SYNJ2: variants seen among roughly 807,000 people sequenced by gnomAD.
SYNJ2 encodes polyphosphatidylinositol phosphatase SYNJ2.
A neutral mutation model predicts 141.3 loss-of-function variants in SYNJ2; 116 were observed. The observed-to-expected ratio is 0.82, with a 90% CI of 0.71 to 0.96. The LOEUF (loss-of-function observed/expected upper bound fraction) is 0.96. SYNJ2 is among the 40% of genes least tolerant of loss of function. SYNJ2 has a pLI of 0.00. For missense variants in SYNJ2, 1,873 were observed against 1,934.8 expected (o/e 0.97, Z 0.60); for synonymous variants, 745 against 777.7 (o/e 0.96, Z 0.70).
chr6:158,048,691 T>G (rs1780387811), intron 5 of SYNJ2, among the ~76,000 whole-genome samples: 3 of 152,306 alleles, frequency 2.0e-5, no homozygotes, highest in Admixed American at 2.0e-4. Context: ...CACTCGGTGC[T>G]GTGCTGGCAA....
intron 7 of SYNJ2, chr6:158,059,556 CTTTTTTTTT>C: frequency 8.5e-7 from 1 of 1,178,638 alleles, no homozygotes; most frequent in Non-Finnish European, 1.1e-6. Context: ...AATTTCTTTT[CTTTTTTTTT>C]TTTTTTAAGA....
At position 158,017,820 on chromosome 6, in the gene SYNJ2, G is replaced by T. The variant is rs775236499; in HGVS notation, c.214+530G>T. 7 of 528,566 alleles carry T rather than the reference G, an allele frequency of 1.3e-5. No homozygotes were observed. In the African/African-American group the frequency reaches 1.3e-4, roughly 10 times the overall value. 32.7% of individuals were successfully genotyped at this position (528,566 alleles called of 1,614,324 possible). A position where few individuals can be genotyped will look rare whatever the true frequency, so the allele number is the denominator to read the frequency against. ...GGTGAGTGTTGCCTGGTTGTCACCT[G>T]CCTGTGCTGGGGAGCAGGGTGGGGT... On this transcript the variant is annotated intron_variant, in intron 2 of 26. Coordinates refer to ENST00000355585, the MANE Select transcript of SYNJ2 (RefSeq NM_003898.4).
chr6:157,995,195 C>T (rs1021684063), intron 1 of SYNJ2, among the ~76,000 whole-genome samples: 3 of 152,216 alleles, frequency 2.0e-5, no homozygotes, highest in South Asian at 2.1e-4. Context: ...TGAATAGCCC[C>T]AGACTTCTAG....
intron 2 of SYNJ2, 57 bp from the exon 3 acceptor site, chr6:158,028,699 C>A (rs1036292071): frequency 4.4e-6 from 7 of 1,583,848 alleles, no homozygotes; most frequent in Non-Finnish European, 6.0e-6. Context: ...CCCCTTGGAG[C>A]TCCAGGCGGC....
chr6:158,018,470 C>G (rs767760600), intron 2 of SYNJ2, among the ~76,000 whole-genome samples: 1 of 152,228 alleles, frequency 6.6e-6, no homozygotes, highest in Non-Finnish European at 1.5e-5. Flanking sequence ...CACCTCCCTT[C>G]CCTGCTCACA....
At chr6:158,009,070 A>G (rs1398986849) in intron 1 of SYNJ2, among the ~76,000 whole-genome samples, 3 of 152,052 alleles carry the variant, frequency 2.0e-5, no homozygotes, top group East Asian at 1.9e-4. Context: ...TCCACTCTCC[A>G]TGCAGCCATC....
At chr6:158,028,443 C>A in intron 2 of SYNJ2, 2 of 410,744 alleles carry the variant, frequency 4.9e-6, no homozygotes, top group South Asian at 2.6e-5. Flanking sequence ...ATCAGAATCA[C>A]CTGGAGGGCT....
intron 8 of SYNJ2, among the ~76,000 whole-genome samples, chr6:158,062,521 C>T (rs1157870897): frequency 6.6e-6 from 1 of 152,044 alleles, no homozygotes. Flanking sequence ...CGCTGTGACG[C>T]AGGCCTGTGA....
At chr6:158,020,044 C>CTGACTCCACCTGTG (rs1301431069) in intron 2 of SYNJ2, among the ~76,000 whole-genome samples, 2 of 116,704 alleles carry the variant, frequency 1.7e-5, no homozygotes, top group Non-Finnish European at 3.5e-5. Flanking sequence ...ACCTGTGTGA[C>CTGACTCCACCTGTG]TGACTCCACC....
chr6:158,027,692 G>A lies in SYNJ2; in HGVS notation c.215-1064G>A, dbSNP rs1779124135. On this transcript the variant is annotated intron_variant, in intron 2 of 26. Coordinates refer to ENST00000355585, the MANE Select transcript of SYNJ2 (RefSeq NM_003898.4). This position sits in a 1 kb window ranked among gnomAD's most constrained non-coding sequence, Gnocchi z 4.6. ...GGAAGCCCCTCCCCTGGGGGCACAG[G>A]TGGGGAGGGAGGTCATGAGCTTTGT... 1.3e-5 allele frequency: 2 copies of A among 152,378 alleles called. No individual in the cohort carries two copies. Among genetic ancestry groups the A allele is most frequent in the Non-Finnish European group, 2.9e-5 (2 of 68,172 alleles). 9.4% of individuals were successfully genotyped at this position (152,378 alleles called of 1,614,324 possible).
At position 158,092,122 on chromosome 6, in the gene SYNJ2, A is replaced by AC. The variant is rs1554257604; in HGVS notation, c.3566-804_3566-803insC. ...CACAATAAAGCTGTTAAAAAAAAAA[A>AC]AACTCTAGAGATGTAGATGTTAGTA... On this transcript the variant is annotated intron_variant, in intron 25 of 26. Coordinates refer to ENST00000355585, the MANE Select transcript of SYNJ2 (RefSeq NM_003898.4). Among the ~76,000 whole-genome samples, 234 of 152,008 alleles carry AC rather than the reference A, an allele frequency of 1.5e-3. 1 individual carries two copies. Among genetic ancestry groups the AC allele is most frequent in the African/African-American group, 5.4e-3 (223 of 41,408 alleles).
chr6:158,078,701 AC>A (rs1782480144), intron 18 of SYNJ2: 1 of 153,906 alleles, frequency 6.5e-6, no homozygotes, highest in African/African-American at 2.4e-5. Context: ...GGAACTTACA[AC>A]TTATCCATTC....
Position 158,027,033 on chromosome 6 carries a change from C to A in SYNJ2, c.215-1723C>A. 1 of 985,408 alleles carries A rather than the reference C, an allele frequency of 1.0e-6. No homozygotes were observed. The highest frequency in any genetic ancestry group is 1.2e-6 in the Non-Finnish European group (1 of 829,922). The allele number at this position is 985,408 out of a possible 1,614,324, so 61.0% of individuals were successfully genotyped here. On this transcript the variant is annotated intron_variant, in intron 2 of 26. Transcript: ENST00000355585. The surrounding 1 kb of genome is among the most constrained non-coding windows in gnomAD (Gnocchi z 4.6). ...GAGATGTGATGGGATCAACCCCCTG[C>A]CCTGCTGGCAGCCCCACCCCATGGC...
At chr6:158,075,599 C>T (rs1782231736) in intron 16 of SYNJ2, among the ~76,000 whole-genome samples, 2 of 151,802 alleles carry the variant, frequency 1.3e-5, no homozygotes, top group South Asian at 4.2e-4. Context: ...CGAGATCGCA[C>T]CACTGCACTC....
At chr6:158,093,228 G>C (rs989446561) in intron 26 of SYNJ2, 124 bp downstream of exon 26, 6 of 1,057,870 alleles carry the variant, frequency 5.7e-6, no homozygotes, top group Non-Finnish European at 8.1e-6. Flanking sequence ...GAGGTCAGGA[G>C]TTCAAGACCA....
At chr6:158,036,010 A>G (rs1779618087) in intron 4 of SYNJ2, among the ~76,000 whole-genome samples, 1 of 152,152 alleles carries the variant, frequency 6.6e-6, no homozygotes, top group Admixed American at 6.5e-5. Flanking sequence ...GGACATAAAC[A>G]GACACTTTTC....
At chr6:158,082,065 G>T in intron 20 of SYNJ2, among the ~76,000 whole-genome samples, 1 of 152,180 alleles carries the variant, frequency 6.6e-6, no homozygotes. Context: ...TAGGGCGGAA[G>T]GGTGGGCGCA....
chr6:158,093,813 C>T, intron 26 of SYNJ2: 15 of 725,978 alleles, frequency 2.1e-5, no homozygotes, highest in Non-Finnish European at 3.3e-5. Context: ...TTCCCAGATT[C>T]GCCATGTTCA....
chr6:158,091,794 T>C (rs140422005), intron 25 of SYNJ2, among the ~76,000 whole-genome samples: 4 of 151,364 alleles, frequency 2.6e-5, no homozygotes, highest in African/African-American at 7.3e-5. Flanking sequence ...TACATACTAC[T>C]TCATGGGTGG....
Sources: allele counts gnomAD v4.1 joint callset (sites outside exome capture counted in the v4.1 genomes callset), GRCh38; gene constraint gnomAD v4.1.1; non-coding constraint Gnocchi (gnomAD v3.1); transcripts MANE v1.5; gene names NCBI Gene and HGNC (gene_info 2026-07-23, HGNC 2026-07-21).